EFCAB6: variants seen among roughly 807,000 people sequenced by gnomAD.
The protein encoded by EFCAB6 is EF-hand calcium binding domain 6.
A neutral mutation model predicts 169.8 loss-of-function variants in EFCAB6; 156 were observed. That is an observed-to-expected ratio of 0.92 (90% CI 0.81 to 1.05). EFCAB6 has a LOEUF of 1.05. Ranked by LOEUF, EFCAB6 falls within the 50% of genes least tolerant of loss-of-function variation. The pLI is 0.00. For missense variants in EFCAB6, 1,800 were observed against 1,829.1 expected (o/e 0.98, Z 0.29); for synonymous variants, 698 against 676.4 (o/e 1.03, Z -0.50).
intron 23 of EFCAB6, among the ~76,000 whole-genome samples, chr22:43,599,785 G>A (rs371292130): frequency 6.6e-6 from 1 of 152,066 alleles, no homozygotes; most frequent in East Asian, 1.9e-4. Context: ...GTGGCCAGGC[G>A]GTATGCCATC....
intron 2 of EFCAB6, among the ~76,000 whole-genome samples, chr22:43,807,104 T>A (rs2062950208): frequency 6.6e-6 from 1 of 152,170 alleles, no homozygotes; most frequent in Non-Finnish European, 1.5e-5. Flanking sequence ...CTTTTTACAC[T>A]CAACATGGCA....
intron 4 of EFCAB6, among the ~76,000 whole-genome samples, chr22:43,767,467 C>G (rs535963308): frequency 1.3e-5 from 2 of 152,308 alleles, no homozygotes; most frequent in South Asian, 4.1e-4. Context: ...GGGTGCCCTC[C>G]TGGTTTTGGA....
At chr22:43,550,858 G>A (rs910543868) in intron 27 of EFCAB6, among the ~76,000 whole-genome samples, 10 of 152,042 alleles carry the variant, frequency 6.6e-5, no homozygotes, top group South Asian at 6.3e-4. Context: ...TTTATCACAC[G>A]CTTTCTGCAG....
chr22:43,687,641 T>C (rs2147149902), intron 10 of EFCAB6, 60 bp from the exon 11 acceptor site: 1 of 974,426 alleles, frequency 1.0e-6, no homozygotes, highest in Middle Eastern at 2.9e-4. Context: ...TAACACTGCA[T>C]GGATTAGGTA....
chr22:43,722,253 G>A (rs371005126), intron 8 of EFCAB6, among the ~76,000 whole-genome samples: 17 of 152,156 alleles, frequency 1.1e-4, no homozygotes, highest in South Asian at 6.2e-4. Flanking sequence ...AAGGCAGGGC[G>A]TGGTGGCTCA....
intron 4 of EFCAB6, among the ~76,000 whole-genome samples, chr22:43,766,217 G>T (rs887768531): frequency 6.6e-6 from 1 of 152,132 alleles, no homozygotes; most frequent in African/African-American, 2.4e-5. Flanking sequence ...ATTTTTAATA[G>T]AGATGGGGTT....
intron 25 of EFCAB6, 92 bp from the exon 26 acceptor site, chr22:43,576,580 A>G: frequency 8.9e-7 from 1 of 1,120,084 alleles, no homozygotes; most frequent in East Asian, 2.7e-5. Flanking sequence ...GCTGAATGCA[A>G]ATGAAGCCTA....
chr22:43,671,339 T>C (rs1308393105), intron 15 of EFCAB6, among the ~76,000 whole-genome samples: 3 of 152,082 alleles, frequency 2.0e-5, no homozygotes, highest in Admixed American at 6.6e-5. Context: ...GTAGCTGGGA[T>C]TACAAGCAGG....
chr22:43,793,201 A>T (rs1204567916), intron 2 of EFCAB6, among the ~76,000 whole-genome samples: 1 of 152,196 alleles, frequency 6.6e-6, no homozygotes, highest in African/African-American at 2.4e-5. Flanking sequence ...AAATAATCAT[A>T]TGAAAAGTAA....
At chr22:43,647,008 G>C in intron 17 of EFCAB6, among the ~76,000 whole-genome samples, 1 of 152,212 alleles carries the variant, frequency 6.6e-6, no homozygotes, top group Non-Finnish European at 1.5e-5. Context: ...TTCATAGACT[G>C]TAACAAATGT....
intron 26 of EFCAB6, among the ~76,000 whole-genome samples, chr22:43,573,342 T>C (rs376056175): frequency 5.9e-5 from 9 of 152,224 alleles, no homozygotes; most frequent in Admixed American, 6.5e-5. Context: ...TGAAAAATGT[T>C]TGTTAAAAAA....
chr22:43,589,998 A>T, intron 24 of EFCAB6, 76 bp downstream of exon 24: 1 of 1,546,570 alleles, frequency 6.5e-7, no homozygotes, highest in Non-Finnish European at 8.7e-7. Context: ...GGGCGGACAT[A>T]CAGAAGAAAC....
At chr22:43,693,823 A>G (rs1357136328) in intron 10 of EFCAB6, among the ~76,000 whole-genome samples, 2 of 152,058 alleles carry the variant, frequency 1.3e-5, no homozygotes, top group Non-Finnish European at 2.9e-5. Context: ...CAATTAAGAT[A>G]AAATGGATAA....
intron 23 of EFCAB6, among the ~76,000 whole-genome samples, chr22:43,595,455 T>G (rs2051925596): frequency 6.6e-6 from 1 of 151,824 alleles, no homozygotes; most frequent in Admixed American, 6.6e-5. Context: ...ATGACAGAAA[T>G]AGAAAATATC....
chr22:43,661,768 T>C (rs1232855144), intron 17 of EFCAB6, among the ~76,000 whole-genome samples: 2 of 152,210 alleles, frequency 1.3e-5, no homozygotes, highest in Admixed American at 6.5e-5. Flanking sequence ...TGCTATGTCT[T>C]ATATTAAACA....
At chr22:43,615,692 A>G (rs2053637287) in intron 21 of EFCAB6, 134 bp downstream of exon 21, 1 of 604,362 alleles carries the variant, frequency 1.7e-6, no homozygotes, top group Non-Finnish European at 2.7e-6. Flanking sequence ...TAAGAATAGC[A>G]GGAGTCCTCA....
At chr22:43,675,406 T>C (rs1457255556) in intron 13 of EFCAB6, among the ~76,000 whole-genome samples, 5 of 132,084 alleles carry the variant, frequency 3.8e-5, no homozygotes, top group Non-Finnish European at 7.7e-5. Context: ...TAATATAATA[T>C]AGGATTTATA....
intron 5 of EFCAB6, among the ~76,000 whole-genome samples, chr22:43,760,468 A>G (rs1393942188): frequency 6.6e-6 from 1 of 152,090 alleles, no homozygotes; most frequent in African/African-American, 2.4e-5. Context: ...CTAGATAGGC[A>G]TTTCTTTTTA....
chr22:43,763,725 T>C (rs5764277), intron 5 of EFCAB6, among the ~76,000 whole-genome samples: 19,784 of 152,192 alleles, frequency 0.13, 1,386 homozygotes, highest in South Asian at 0.24. Flanking sequence ...TGTGGGTTTT[T>C]TTTCAATGAA....
Sources: allele counts gnomAD v4.1 joint callset (sites outside exome capture counted in the v4.1 genomes callset), GRCh38; gene constraint gnomAD v4.1.1; transcripts MANE v1.5; gene names NCBI Gene and HGNC (gene_info 2026-07-23, HGNC 2026-07-21).